The following STX17 variants were observed in gnomAD, a reference collection of about 807,000 sequenced individuals.
The protein encoded by STX17 is syntaxin 17, also known as syntaxin-17.
STX17 carries 29 observed loss-of-function variants against 35.9 expected under a neutral mutation model. That is an observed-to-expected ratio of 0.81 (90% CI 0.60 to 1.10). The LOEUF (loss-of-function observed/expected upper bound fraction) is 1.10, where lower values mean the gene tolerates loss of function less well. Ranked by LOEUF, STX17 falls within the 50% of genes least tolerant of loss-of-function variation. The pLI is 0.00. For missense variants in STX17, 312 were observed against 352.3 expected, an observed-to-expected ratio of 0.89 and a Z score of 0.92; for synonymous variants, 92 against 118.3, an observed-to-expected ratio of 0.78 and a Z score of 1.44.
intron 3 of STX17, among the ~76,000 whole-genome samples, chr9:99,944,555 C>T (rs879555770): frequency 1.1e-4 from 16 of 151,054 alleles, no homozygotes; most frequent in Non-Finnish European, 2.4e-4. Flanking sequence ...ACTCTTGTTG[C>T]CCAGGCTGGA....
At chr9:99,920,351 C>T (rs901052991) in intron 2 of STX17, among the ~76,000 whole-genome samples, 1 of 152,114 alleles carries the variant, frequency 6.6e-6, no homozygotes, top group African/African-American at 2.4e-5. Context: ...CCTGTTGTAT[C>T]TAGAACTGTA....
At position 99,971,748 on chromosome 9, in the gene STX17, C is replaced by T. The variant is rs138853022; in HGVS notation, c.*3075C>T. Among the ~76,000 whole-genome samples, 266 of 152,226 alleles carry T rather than the reference C, an allele frequency of 1.7e-3. No individual in the cohort carries two copies. Among genetic ancestry groups the T allele is most frequent in the African/African-American group, 6.1e-3 (255 of 41,536 alleles). On this transcript the variant is annotated 3_prime_UTR_variant, in exon 8 of 8. Transcript: ENST00000259400. ...ACAAAATTGAGATGGGGGTTGGGGG[C>T]AGGGGCTCATGCCTGCAATCCCAGC...
chr9:99,931,785 T>G lies in STX17; in HGVS notation c.189+2942T>G, dbSNP rs556734529. Among the ~76,000 whole-genome samples the G allele has an allele frequency of 2.0e-5, 3 of 152,344 alleles. No homozygotes were observed. The East Asian group carries it at 5.8e-4, about 29-fold the overall frequency. On this transcript the variant is annotated intron_variant, in intron 3 of 7. Coordinates refer to ENST00000259400, the MANE Select transcript of STX17 (RefSeq NM_017919.3). ...GATTTCCTCAGGTTTCTCTTTACCT[T>G]TTTCCTTTGAATTCTTTTTTTCTGC...
chr9:99,961,479 A>C (rs1829825128), intron 6 of STX17, among the ~76,000 whole-genome samples: 2 of 152,208 alleles, frequency 1.3e-5, no homozygotes, highest in Non-Finnish European at 1.5e-5. Context: ...ATAGATTAGG[A>C]AGCACAAAGT....
chr9:99,936,894 A>G (rs1423944612), intron 3 of STX17, among the ~76,000 whole-genome samples: 1 of 152,062 alleles, frequency 6.6e-6, no homozygotes, highest in Non-Finnish European at 1.5e-5. Context: ...GTAGATCCAT[A>G]TTTCCATCTG....
In STX17 at chr9:99,971,154, A is replaced by G. The variant is rs1042664938; in HGVS notation, c.*2481A>G. Among the ~76,000 whole-genome samples the G allele has an allele frequency of 6.6e-6, 1 of 152,206 alleles. No individual in the cohort carries two copies. The highest frequency in any genetic ancestry group is 1.5e-5 in the Non-Finnish European group (1 of 68,036). ...GAAACCAATCTTAAAATTGAATTTA[A>G]TGTTTTATCATATCAGATTAAATAT... On this transcript the variant is annotated 3_prime_UTR_variant, in exon 8 of 8. Transcript: ENST00000259400.
Position 99,968,562 on chromosome 9 carries a change from G to A in STX17, c.798G>A (p.Val266=). 1.9e-6 allele frequency: 3 copies of A among 1,613,972 alleles called. No individual in the cohort carries two copies. The highest frequency in any genetic ancestry group is 2.5e-6 in the Non-Finnish European group (3 of 1,179,952). ...TTGCAGCTGCACTTGGTGGTGGGGTGTTGGGCTTCACAGGTGGAAAATTGA... is the reference window on the plus strand; with the variant it reads ...TTGCAGCTGCACTTGGTGGTGGGGTATTGGGCTTCACAGGTGGAAAATTGA... The part of the protein sequence containing the change: ...AGIAAALGGG[V]LGFTGGKLIQ... The change falls in exon 8 of 8, where the codon GTG becomes GTA. Residue 266 remains valine (V), a synonymous_variant. Coordinates refer to ENST00000259400, the MANE Select transcript of STX17 (RefSeq NM_017919.3).
intron 2 of STX17, among the ~76,000 whole-genome samples, chr9:99,916,430 TATTCATTC>T (rs551222708): frequency 3.9e-3 from 312 of 80,718 alleles, no homozygotes; most frequent in African/African-American, 9.7e-3. Context: ...TTTATTTATT[TATTCATTC>T]ATTCATTCAT....
rs149465738 is a variant in STX17, at chr9:99,949,750, A to G, written c.190-1310A>G. Among the ~76,000 whole-genome samples, 1,484 of 152,058 alleles carry G rather than the reference A, an allele frequency of 9.8e-3. 59 individuals are homozygous for G. The highest frequency in any genetic ancestry group is 0.063 in the Admixed American group (963 of 15,240). ...TAGACATATAACTTTTCTTACTTTG[A>G]TTATTTTTGCAAATTTGTTCTATTT... On this transcript the variant is annotated intron_variant, in intron 3 of 7. Transcript: ENST00000259400.
intron 3 of STX17, among the ~76,000 whole-genome samples, chr9:99,943,782 C>T (rs1209200557): frequency 2.6e-5 from 4 of 152,012 alleles, no homozygotes; most frequent in Non-Finnish European, 2.9e-5. Context: ...TTTCTTTATT[C>T]TTAATCTTCT....
At chr9:99,910,178 A>G (rs1828631286) in intron 1 of STX17, among the ~76,000 whole-genome samples, 1 of 152,058 alleles carries the variant, frequency 6.6e-6, no homozygotes, top group South Asian at 2.1e-4. Flanking sequence ...GGTTGCAGTG[A>G]GCTGAGATCG....
chr9:99,958,593 C>T (rs1294606282), intron 4 of STX17, among the ~76,000 whole-genome samples: 8 of 152,164 alleles, frequency 5.3e-5, no homozygotes. Context: ...TTATAAATAG[C>T]CAAATCAGAA....
chr9:99,962,764 C>T (rs1244550437), intron 6 of STX17, among the ~76,000 whole-genome samples: 1 of 152,176 alleles, frequency 6.6e-6, no homozygotes, highest in African/African-American at 2.4e-5. Context: ...TGTTTAAGTA[C>T]ATGAGACAGA....
At chr9:99,955,921 G>A (rs1198011341) in intron 4 of STX17, among the ~76,000 whole-genome samples, 1 of 152,142 alleles carries the variant, frequency 6.6e-6, no homozygotes, top group African/African-American at 2.4e-5. Flanking sequence ...ATCTATCTCA[G>A]CGTTTTGCCT....
rs146440012 is a variant in STX17 at position 99,937,170 on chromosome 9, G to A, written c.189+8327G>A. Among the ~76,000 whole-genome samples the A allele has an allele frequency of 9.2e-5, 14 of 151,892 alleles. No homozygotes were observed. In the East Asian group the frequency reaches 2.1e-3, roughly 23 times the overall value. The stretch of plus-strand genomic sequence containing the variant: ...GTATGTAATGTGTCTCATTTCTCTC[G>A]CTTCTTTTATGATTTTCCTTTAATC... On this transcript the variant is annotated intron_variant, in intron 3 of 7. Coordinates refer to ENST00000259400, the MANE Select transcript of STX17 (RefSeq NM_017919.3).
At chr9:99,942,346 A>C (rs527531212) in intron 3 of STX17, among the ~76,000 whole-genome samples, 1 of 152,114 alleles carries the variant, frequency 6.6e-6, no homozygotes, top group East Asian at 1.9e-4. Flanking sequence ...TGACCCCTTT[A>C]TCAGTTATAT....
intron 4 of STX17, among the ~76,000 whole-genome samples, chr9:99,956,437 T>A (rs1220543814): frequency 6.6e-6 from 1 of 152,174 alleles, no homozygotes; most frequent in East Asian, 1.9e-4. Context: ...CTGTTAATAA[T>A]AATGAAGTTA....
intron 2 of STX17, among the ~76,000 whole-genome samples, chr9:99,918,153 A>G (rs1470911522): frequency 6.6e-6 from 1 of 152,212 alleles, no homozygotes; most frequent in Non-Finnish European, 1.5e-5. Context: ...AAATAGAGAC[A>G]GAGTCTCACT....
chr9:99,925,538 T>G (rs1828970795), intron 2 of STX17, among the ~76,000 whole-genome samples: 1 of 152,184 alleles, frequency 6.6e-6, no homozygotes, highest in Admixed American at 6.5e-5. Flanking sequence ...TAGCACACCT[T>G]TCTGCTGGTG....
Sources: gnomAD v4.1 joint callset for allele counts (sites outside exome capture counted in the v4.1 genomes callset) on GRCh38, gnomAD v4.1.1 for gene constraint, MANE v1.5 for transcripts, NCBI Gene and HGNC (gene_info 2026-07-23, HGNC 2026-07-21) for gene names.